DNAAF9: variants seen among roughly 807,000 people sequenced by gnomAD.
DNAAF9 encodes the protein shulin.
DNAAF9 carries 90 observed loss-of-function variants against 167.0 expected under a neutral mutation model. The ratio of observed to expected loss-of-function variants is 0.54; its 90% CI spans 0.45 to 0.64. The LOEUF is 0.64. Among genes scored for constraint, DNAAF9 ranks in the 30% least tolerant of loss-of-function variants. The pLI, the probability that DNAAF9 is intolerant of heterozygous loss-of-function variation, is 0.00. For synonymous variants in DNAAF9, 491 were observed against 508.8 expected, an observed-to-expected ratio of 0.96 and a Z score of 0.47; for missense variants, 1,315 against 1,442.2, an observed-to-expected ratio of 0.91 and a Z score of 1.43.
chr20:3,327,935 T>G (rs778592483), intron 12 of DNAAF9, among the ~76,000 whole-genome samples: 9 of 152,212 alleles, frequency 5.9e-5, no homozygotes, highest in African/African-American at 2.2e-4. Flanking sequence ...GAGATGTGAA[T>G]GAGCTTGGCC....
rs535052597 is a variant in DNAAF9 at position 3,376,694 on chromosome 20, C to T, written c.284-392G>A. Among the ~76,000 whole-genome samples, 3 of 152,270 alleles carry T rather than the reference C, an allele frequency of 2.0e-5. No individual in the cohort carries two copies. The East Asian group carries it at 5.8e-4, about 29-fold the overall frequency. Reference sequence around the variant, plus strand: ...AGTCGGGGTCAGGAGTGAAAGGGTCCTTTCGTGTCATATAGGTGGATTCAA... The same window carrying T: ...AGTCGGGGTCAGGAGTGAAAGGGTCTTTTCGTGTCATATAGGTGGATTCAA... On this transcript the variant is annotated intron_variant, in intron 3 of 36. Transcript: ENST00000252032.
chr20:3,265,120 G>A (rs1164570706), intron 30 of DNAAF9, among the ~76,000 whole-genome samples: 1 of 152,034 alleles, frequency 6.6e-6, no homozygotes, highest in Non-Finnish European at 1.5e-5. Context: ...CAGAACCTCA[G>A]CCCCCAGCCC....
intron 1 of DNAAF9, among the ~76,000 whole-genome samples, chr20:3,400,861 T>C (rs997234267): frequency 1.3e-5 from 2 of 152,188 alleles, no homozygotes; most frequent in African/African-American, 4.8e-5. Context: ...AAGTTATATA[T>C]AGGCCTCTAT....
chr20:3,325,297 C>A (rs949516415), intron 13 of DNAAF9, among the ~76,000 whole-genome samples: 1 of 152,188 alleles, frequency 6.6e-6, no homozygotes, highest in Admixed American at 6.5e-5. Flanking sequence ...GTGCTTTCTC[C>A]TCCCCTCTTC....
At chr20:3,277,856 AGC>A (rs2068698840) in intron 29 of DNAAF9, among the ~76,000 whole-genome samples, 1 of 152,176 alleles carries the variant, frequency 6.6e-6, no homozygotes, top group African/African-American at 2.4e-5. Context: ...TGCCCTGGGC[AGC>A]ATGAGCTCAG....
intron 29 of DNAAF9, among the ~76,000 whole-genome samples, chr20:3,277,768 G>A (rs2068697568): frequency 1.3e-5 from 2 of 152,136 alleles, no homozygotes; most frequent in South Asian, 4.1e-4. Flanking sequence ...AAGTAACAGG[G>A]ACCTCTGAAA....
chr20:3,381,519 T>G (rs779049304), intron 2 of DNAAF9, 21 bp from the exon 3 acceptor site: 22 of 1,611,598 alleles, frequency 1.4e-5, no homozygotes, highest in Non-Finnish European at 1.9e-5. Context: ...AAGGAGGCTC[T>G]GATCAGCTGT....
At chr20:3,365,534 G>T (rs1394240242) in intron 6 of DNAAF9, among the ~76,000 whole-genome samples, 1 of 152,106 alleles carries the variant, frequency 6.6e-6, no homozygotes, top group Non-Finnish European at 1.5e-5. Flanking sequence ...TGGGATTACA[G>T]GGGCATACCA....
chr20:3,283,682 T>C (rs1341523110), intron 27 of DNAAF9, among the ~76,000 whole-genome samples: 1 of 152,246 alleles, frequency 6.6e-6, no homozygotes, highest in Non-Finnish European at 1.5e-5. Context: ...TGGTGTTTAA[T>C]GGAGTTAATG....
At chr20:3,368,768 T>G (rs901020034) in intron 6 of DNAAF9, among the ~76,000 whole-genome samples, 2 of 152,074 alleles carry the variant, frequency 1.3e-5, no homozygotes, top group African/African-American at 4.8e-5. Flanking sequence ...TCCCTCCGCC[T>G]CGGCCTCCCA....
At chr20:3,359,836 A>G (rs2083336745) in intron 6 of DNAAF9, among the ~76,000 whole-genome samples, 1 of 152,252 alleles carries the variant, frequency 6.6e-6, no homozygotes, top group Non-Finnish European at 1.5e-5. Flanking sequence ...ATATATTTAT[A>G]CATACACACA....
At chr20:3,301,098 T>G (rs928360034) in intron 21 of DNAAF9, among the ~76,000 whole-genome samples, 2 of 151,470 alleles carry the variant, frequency 1.3e-5, no homozygotes, top group African/African-American at 2.4e-5. Flanking sequence ...CATTGCAACC[T>G]TGAACTTCTG....
intron 29 of DNAAF9, among the ~76,000 whole-genome samples, chr20:3,274,136 C>CTTTATT (rs199996633): frequency 6.6e-6 from 1 of 151,904 alleles, no homozygotes; most frequent in Non-Finnish European, 1.5e-5. Context: ...GACTTATATT[C>CTTTATT]TTTATTTTTA....
At chr20:3,394,949 CTTTTTTTTT>C (rs10522445) in intron 1 of DNAAF9, among the ~76,000 whole-genome samples, 1 of 102,134 alleles carries the variant, frequency 9.8e-6, no homozygotes, top group East Asian at 3.1e-4. Flanking sequence ...TTTCTTTTTT[CTTTTTTTTT>C]TTTTTTTTTT....
chr20:3,370,223 TG>T (rs1315466407), intron 6 of DNAAF9, among the ~76,000 whole-genome samples: 2 of 152,178 alleles, frequency 1.3e-5, no homozygotes, highest in Admixed American at 6.5e-5. Flanking sequence ...CTCTTGGTTT[TG>T]TCTTGCCTTT....
chr20:3,258,695 A>C (rs1233934676), intron 33 of DNAAF9, among the ~76,000 whole-genome samples: 2 of 152,032 alleles, frequency 1.3e-5, no homozygotes, highest in Non-Finnish European at 2.9e-5. Context: ...GAGGACACGA[A>C]GACATACATC....
chr20:3,353,675 C>T (rs6037571), intron 7 of DNAAF9, among the ~76,000 whole-genome samples: 36,687 of 134,832 alleles, frequency 0.27, 5,278 homozygotes, highest in African/African-American at 0.4. Context: ...TAATACAGAA[C>T]ACACTGTGTT....
At chr20:3,290,012 G>C (rs991935389) in intron 26 of DNAAF9, 117 bp downstream of exon 26, 5 of 703,418 alleles carry the variant, frequency 7.1e-6, no homozygotes, top group African/African-American at 7.1e-5. Context: ...ATGAATGGCT[G>C]ACTACCATGC....
chr20:3,376,776 GA>G (rs1339473666), intron 3 of DNAAF9, among the ~76,000 whole-genome samples: 1 of 152,174 alleles, frequency 6.6e-6, no homozygotes, highest in Non-Finnish European at 1.5e-5. Flanking sequence ...TAAAGATCTG[GA>G]ATCAGGGCTG....
Sources: allele counts gnomAD v4.1 joint callset (sites outside exome capture counted in the v4.1 genomes callset), GRCh38; gene constraint gnomAD v4.1.1; transcripts MANE v1.5; gene names NCBI Gene and HGNC (gene_info 2026-07-23, HGNC 2026-07-21).